CSMD3: variants seen among roughly 807,000 people sequenced by gnomAD.
CSMD3 encodes CUB and sushi domain-containing protein 3.
In CSMD3, 177 loss-of-function variants were observed where a neutral mutation model predicts 435.2. That is an observed-to-expected ratio of 0.41 (90% CI 0.36 to 0.46). CSMD3 has a LOEUF of 0.46. CSMD3 is among the 20% of genes least tolerant of loss of function. The pLI is 0.34. For synonymous variants in CSMD3, 1,656 were observed against 1,520.5 expected (o/e 1.09, Z -2.07); for missense variants, 4,265 against 4,504.6 (o/e 0.95, Z 1.52).
chr8:113,364,499 G>GT (rs2094298769), intron 1 of CSMD3, among the ~76,000 whole-genome samples: 1 of 152,028 alleles, frequency 6.6e-6, no homozygotes. Context: ...ACAAGTTCTA[G>GT]TTTTTTGAAG....
At chr8:113,144,189 T>C (rs2091617599) in intron 4 of CSMD3, among the ~76,000 whole-genome samples, 1 of 151,330 alleles carries the variant, frequency 6.6e-6, no homozygotes, top group Admixed American at 6.6e-5. Flanking sequence ...TTGTATATTA[T>C]GAGATCCTTA....
At chr8:113,416,519 G>T (rs931739597) in intron 1 of CSMD3, among the ~76,000 whole-genome samples, 1 of 152,072 alleles carries the variant, frequency 6.6e-6, no homozygotes, top group Non-Finnish European at 1.5e-5. Context: ...TATAAAGGAT[G>T]CCAGTTTTGG....
chr8:112,435,964 A>T (rs1814292792), intron 32 of CSMD3, among the ~76,000 whole-genome samples: 1 of 151,980 alleles, frequency 6.6e-6, no homozygotes, highest in South Asian at 2.1e-4. Flanking sequence ...TACACCATTA[A>T]ATTTGAACAT....
intron 35 of CSMD3, 51 bp downstream of exon 35, chr8:112,406,473 T>C (rs1264548897): frequency 1.2e-5 from 16 of 1,309,378 alleles, no homozygotes; most frequent in Non-Finnish European, 1.6e-5. Flanking sequence ...ATGTAACCAA[T>C]TTTTATATAA....
At chr8:113,365,018 C>A (rs1426277357) in intron 1 of CSMD3, among the ~76,000 whole-genome samples, 2 of 152,016 alleles carry the variant, frequency 1.3e-5, no homozygotes, top group Non-Finnish European at 2.9e-5. Flanking sequence ...TTTCATGGAG[C>A]ATCCCTTAAT....
At chr8:112,362,991 G>A (rs1415712055) in intron 38 of CSMD3, among the ~76,000 whole-genome samples, 1 of 151,990 alleles carries the variant, frequency 6.6e-6, no homozygotes, top group Admixed American at 6.6e-5. Context: ...GCAGAATATA[G>A]ACTGTGAACA....
At chr8:113,057,000 T>G (rs1205374972) in intron 5 of CSMD3, among the ~76,000 whole-genome samples, 1 of 152,148 alleles carries the variant, frequency 6.6e-6, no homozygotes, top group East Asian at 1.9e-4. Flanking sequence ...ATCTTTAAAT[T>G]TGGGAAGCTG....
At chr8:112,468,234 AT>A (rs771573736) in intron 32 of CSMD3, among the ~76,000 whole-genome samples, 6,767 of 93,682 alleles carry the variant, frequency 0.072, 244 homozygotes, top group African/African-American at 0.13. Flanking sequence ...TGCCTAAAGT[AT>A]TTTTTTTTTT....
At chr8:112,356,281 T>C (rs770364912) in intron 38 of CSMD3, among the ~76,000 whole-genome samples, 1 of 152,126 alleles carries the variant, frequency 6.6e-6, no homozygotes, top group Non-Finnish European at 1.5e-5. Context: ...TCAACCTAGG[T>C]GCCCATCATT....
chr8:112,466,341 C>T lies in CSMD3; in HGVS notation c.5395+6250G>A, dbSNP rs547247409. On this transcript the variant is annotated intron_variant, in intron 32 of 70. Coordinates refer to ENST00000297405, the MANE Select transcript of CSMD3 (RefSeq NM_198123.2). ...CCTAAAATATGGAGAAAATTGGTGG[C>T]AATAAATGATTGAATTAAGCATAAA... Among the ~76,000 whole-genome samples, 4 of 151,862 alleles carry T rather than the reference C, an allele frequency of 2.6e-5. No homozygotes were observed. In the South Asian group the frequency reaches 6.2e-4, roughly 24 times the overall value.
At chr8:113,124,482 T>TG (rs1245965637) in intron 4 of CSMD3, among the ~76,000 whole-genome samples, 2 of 82,394 alleles carry the variant, frequency 2.4e-5, no homozygotes, top group Admixed American at 3.0e-4. Context: ...ATAAACCTTG[T>TG]GGGAAAAAAG....
intron 38 of CSMD3, among the ~76,000 whole-genome samples, chr8:112,368,830 T>C (rs1256428823): frequency 6.6e-6 from 1 of 152,158 alleles, no homozygotes; most frequent in Admixed American, 6.6e-5. Flanking sequence ...TAATTTTCCA[T>C]TTGTAAAATA....
chr8:112,594,977 C>T (rs1383616448), intron 22 of CSMD3, among the ~76,000 whole-genome samples: 34 of 152,224 alleles, frequency 2.2e-4, no homozygotes, highest in East Asian at 3.9e-4. Flanking sequence ...TCCAAAGGAA[C>T]GCAGTTCCTC....
intron 5 of CSMD3, among the ~76,000 whole-genome samples, chr8:113,063,711 A>G (rs2131374075): frequency 6.6e-6 from 1 of 151,974 alleles, no homozygotes; most frequent in South Asian, 2.1e-4. Context: ...TACAAACCAA[A>G]CATAACTCTA....
intron 5 of CSMD3, among the ~76,000 whole-genome samples, chr8:113,076,055 A>T (rs2131427292): frequency 6.6e-6 from 1 of 151,890 alleles, no homozygotes; most frequent in African/African-American, 2.4e-5. Flanking sequence ...TTGAAATGGA[A>T]TTTAAGGAAA....
intron 10 of CSMD3, among the ~76,000 whole-genome samples, chr8:112,904,633 T>G (rs1259105574): frequency 1.3e-5 from 2 of 151,276 alleles, no homozygotes; most frequent in Admixed American, 1.3e-4. Flanking sequence ...AAAGTTAGTC[T>G]CTGATTTATT....
intron 5 of CSMD3, among the ~76,000 whole-genome samples, chr8:113,060,740 A>T (rs1280368460): frequency 1.3e-5 from 2 of 152,118 alleles, no homozygotes; most frequent in African/African-American, 4.8e-5. Flanking sequence ...GTCTCAAAAG[A>T]TATTGCAGAA....
chr8:112,265,661 A>C, intron 59 of CSMD3, 71 bp from the exon 60 acceptor site: 2 of 1,010,506 alleles, frequency 2.0e-6, no homozygotes, highest in Non-Finnish European at 3.2e-6. Context: ...TAGTAAGCAT[A>C]TGGCATACTT....
At chr8:112,310,029 G>C (rs1032132109) in intron 50 of CSMD3, among the ~76,000 whole-genome samples, 9 of 152,002 alleles carry the variant, frequency 5.9e-5, no homozygotes, top group African/African-American at 2.2e-4. Context: ...ATGCTGAGTA[G>C]AGTTAAACAA....
Sources: allele counts gnomAD v4.1 joint callset (sites outside exome capture counted in the v4.1 genomes callset), GRCh38; gene constraint gnomAD v4.1.1; transcripts MANE v1.5; gene names NCBI Gene and HGNC (gene_info 2026-07-23, HGNC 2026-07-21).